The following KIAA0825 variants were observed in gnomAD, a reference collection of about 807,000 sequenced individuals.
KIAA0825 encodes the protein KIAA0825.
In KIAA0825, 119 loss-of-function variants were observed where a neutral mutation model predicts 147.6. The observed-to-expected ratio is 0.81, with a 90% CI of 0.69 to 0.94. The LOEUF (loss-of-function observed/expected upper bound fraction) is 0.94. Ranked by LOEUF, KIAA0825 falls within the 40% of genes least tolerant of loss-of-function variation. KIAA0825 has a pLI of 0.00. For missense variants in KIAA0825, 1,381 were observed against 1,472.7 expected (o/e 0.94, Z 1.02); for synonymous variants, 470 against 518.1 (o/e 0.91, Z 1.26).
At chr5:94,589,508 T>C (rs1006076674) in intron 1 of KIAA0825, among the ~76,000 whole-genome samples, 2 of 152,344 alleles carry the variant, frequency 1.3e-5, no homozygotes, top group Middle Eastern at 3.4e-3. Context: ...GTTGGGCAAA[T>C]GTATAGCATT....
rs573042057 is a variant in KIAA0825, at chr5:94,587,332, A to G, written c.-152-4749T>C. Among the ~76,000 whole-genome samples, 16 of 152,358 alleles carry G rather than the reference A, an allele frequency of 1.1e-4. 1 individual carries two copies. In the East Asian group the frequency reaches 3.1e-3, roughly 29 times the overall value. ...CTAAAATCTCCTTAAGCTGATAAGC[A>G]ACCTCAGCAAAGTCTCAGGATACAA... On this transcript the variant is annotated intron_variant, in intron 1 of 20. Coordinates refer to ENST00000682413, the MANE Select transcript of KIAA0825 (RefSeq NM_001145678.3).
intron 20 of KIAA0825, among the ~76,000 whole-genome samples, chr5:94,297,555 A>G (rs2150175168): frequency 6.6e-6 from 1 of 152,258 alleles, no homozygotes; most frequent in Non-Finnish European, 1.5e-5. Flanking sequence ...TTTTCAGTAT[A>G]TATGTCCCCA....
chr5:94,448,408 AT>A (rs1171846841), intron 13 of KIAA0825, among the ~76,000 whole-genome samples: 2 of 152,094 alleles, frequency 1.3e-5, no homozygotes, highest in South Asian at 2.1e-4. Context: ...CTATTTGTCC[AT>A]TTTTAATTCT....
Position 94,536,088 on chromosome 5 carries a change from T to C in KIAA0825, c.131+908A>G, listed in dbSNP as rs555625742. Among the ~76,000 whole-genome samples, 15 of 152,328 alleles carry C rather than the reference T, an allele frequency of 9.8e-5. No individual in the cohort carries two copies. The South Asian group carries it at 2.5e-3, about 25-fold the overall frequency. Reference sequence around the variant, plus strand: ...GTTTCTTTTTCCTTTCTCTACTACCTTCATGGAGAGGATTTCTGGGATGGG... The same window carrying C: ...GTTTCTTTTTCCTTTCTCTACTACCCTCATGGAGAGGATTTCTGGGATGGG... On this transcript the variant is annotated intron_variant, in intron 3 of 20. Transcript: ENST00000682413.
chr5:94,160,591 CTGTA>C (rs1022926725), intron 20 of KIAA0825, among the ~76,000 whole-genome samples: 9 of 146,466 alleles, frequency 6.1e-5, no homozygotes, highest in African/African-American at 2.2e-4. Context: ...TAAATATATA[CTGTA>C]TGTATGTATA....
chr5:94,435,301 A>C (rs973834384), intron 14 of KIAA0825, among the ~76,000 whole-genome samples: 2 of 103,122 alleles, frequency 1.9e-5, no homozygotes, highest in Non-Finnish European at 3.6e-5. Context: ...CCCACCCTCC[A>C]ACAGGCCCCA....
In KIAA0825 at chr5:94,465,038, T is replaced by C. The variant is rs1190117022; in HGVS notation, c.1894A>G (p.Ile632Val). 6.4e-7 allele frequency: 1 copy of C among 1,551,540 alleles called. No individual in the cohort carries two copies. Among genetic ancestry groups the C allele is most frequent in the Non-Finnish European group, 8.7e-7 (1 of 1,146,894 alleles). Residue 632 changes from isoleucine (I) to valine (V), a missense_variant, in exon 11 of 21, where the codon ATC becomes GTC. By Grantham distance (29) the Ile-to-Val change is conservative. Coordinates refer to ENST00000682413, the MANE Select transcript of KIAA0825 (RefSeq NM_001145678.3). Reference sequence around the variant, plus strand: ...CAGCAGAAATAATGCCACATCTGGATCGAGAAGGAACATCTTTCCCCCTGG... The same window carrying C: ...CAGCAGAAATAATGCCACATCTGGACCGAGAAGGAACATCTTTCCCCCTGG... ...FYEGERCSFS[I>V]QMWHYFCWSL...
Position 94,403,575 on chromosome 5 carries a change from A to C in KIAA0825, c.2881T>G (p.Cys961Gly), listed in dbSNP as rs966422301. ...GAGAAACAAGTGTACTTACTTTTGC[A>C]TGATTCTTTCCTGTTAGTTTCTTTT... ...SPKETNRKESCKSFTRLTAQA... is the reference protein window; with the variant it reads ...SPKETNRKESGKSFTRLTAQA... The change falls in exon 16 of 21, where the codon TGC becomes GGC. Residue 961 changes from cysteine to glycine, a missense_variant. Cys to Gly is a radical substitution (Grantham distance 159, BLOSUM62 -3). Coordinates refer to ENST00000682413, the MANE Select transcript of KIAA0825 (RefSeq NM_001145678.3). The C allele has an allele frequency of 6.4e-7, 1 of 1,551,008 alleles. No homozygotes were observed. The highest frequency in any genetic ancestry group is 2.0e-5 in the Admixed American group (1 of 50,980).
intron 15 of KIAA0825, chr5:94,414,951 T>G (rs754324955): frequency 2.6e-5 from 4 of 152,216 alleles, no homozygotes; most frequent in Non-Finnish European, 5.9e-5. Context: ...TGGAACGGTT[T>G]CATCCATCCC....
intron 20 of KIAA0825, among the ~76,000 whole-genome samples, chr5:94,188,919 T>A (rs1770407483): frequency 6.6e-6 from 1 of 152,206 alleles, no homozygotes; most frequent in Admixed American, 6.5e-5. Flanking sequence ...TTACTTTACA[T>A]CTTTGTCAAC....
intron 20 of KIAA0825, among the ~76,000 whole-genome samples, chr5:94,349,083 C>T (rs1458659825): frequency 6.6e-6 from 1 of 151,422 alleles, no homozygotes; most frequent in African/African-American, 2.4e-5. Context: ...CTCACATAAA[C>T]TTAAATGGGT....
chr5:94,177,127 TC>T (rs757581355), intron 20 of KIAA0825, among the ~76,000 whole-genome samples: 3 of 152,086 alleles, frequency 2.0e-5, no homozygotes, highest in Non-Finnish European at 4.4e-5. Flanking sequence ...AGATATTAGG[TC>T]AACTTTAACC....
At chr5:94,167,695 A>T (rs1236313517) in intron 20 of KIAA0825, among the ~76,000 whole-genome samples, 1 of 152,134 alleles carries the variant, frequency 6.6e-6, no homozygotes, top group African/African-American at 2.4e-5. Flanking sequence ...AAAAGTTAAG[A>T]ATATAATTTA....
At chr5:94,201,101 A>C (rs1771643094) in intron 20 of KIAA0825, among the ~76,000 whole-genome samples, 1 of 149,866 alleles carries the variant, frequency 6.7e-6, no homozygotes, top group South Asian at 2.1e-4. Flanking sequence ...GTAAAGCATA[A>C]AAAATAGAAC....
At chr5:94,563,866 GT>G (rs200351281) in intron 2 of KIAA0825, among the ~76,000 whole-genome samples, 1,991 of 151,954 alleles carry the variant, frequency 0.013, 43 homozygotes, top group African/African-American at 0.045. Context: ...TGCATTTTTA[GT>G]TCGAGATGGG....
chr5:94,453,372 A>T (rs1392216484), intron 12 of KIAA0825, among the ~76,000 whole-genome samples: 2 of 141,476 alleles, frequency 1.4e-5, no homozygotes, highest in Non-Finnish European at 3.0e-5. Flanking sequence ...ATTTTAGTAG[A>T]GATGGGGTTT....
intron 20 of KIAA0825, among the ~76,000 whole-genome samples, chr5:94,371,696 C>T (rs766659315): frequency 6.6e-6 from 1 of 152,168 alleles, no homozygotes; most frequent in Non-Finnish European, 1.5e-5. Flanking sequence ...AACTAAAATT[C>T]AAGATGAGAT....
At chr5:94,291,509 A>C (rs1777891926) in intron 20 of KIAA0825, among the ~76,000 whole-genome samples, 1 of 152,196 alleles carries the variant, frequency 6.6e-6, no homozygotes, top group Non-Finnish European at 1.5e-5. Flanking sequence ...TGGTTTGGTT[A>C]CTGTAAACTT....
chr5:94,583,802 G>A (rs1296048000), intron 1 of KIAA0825, among the ~76,000 whole-genome samples: 4 of 152,078 alleles, frequency 2.6e-5, no homozygotes, highest in Non-Finnish European at 5.9e-5. Flanking sequence ...ATATAGGCAG[G>A]TGCCCCTCTG....
Sources: gnomAD v4.1 joint callset for allele counts (sites outside exome capture counted in the v4.1 genomes callset) on GRCh38, gnomAD v4.1.1 for gene constraint, MANE v1.5 for transcripts, NCBI Gene and HGNC (gene_info 2026-07-23, HGNC 2026-07-21) for gene names.